Variants in IDE observed in about 807,000 individuals in gnomAD.
IDE encodes the protein insulin degrading enzyme.
In IDE, 58 loss-of-function variants were observed where a neutral mutation model predicts 133.2. The ratio of observed to expected loss-of-function variants is 0.44; its 90% confidence interval spans 0.35 to 0.54. The LOEUF is 0.54. Among genes scored for constraint, IDE ranks in the 20% least tolerant of loss-of-function variants. IDE has a pLI of 0.00. For synonymous variants in IDE, 396 were observed against 421.3 expected (o/e 0.94, Z 0.73); for missense variants, 981 against 1,234.0 (o/e 0.79, Z 3.07).
chr10:92,503,573 A>G (rs563291540), intron 11 of IDE, among the ~76,000 whole-genome samples: 1 of 152,304 alleles, frequency 6.6e-6, no homozygotes, highest in Admixed American at 6.5e-5. Flanking sequence ...ACATTAGAAG[A>G]CATTAATTAT....
rs532861372 is a variant in IDE, at chr10:92,564,671, C to CAAAAAAAAAAAAAAAAAA, written c.98+9233_98+9250dup. On this transcript the variant is annotated intron_variant, in intron 1 of 24. Coordinates refer to ENST00000265986, the MANE Select transcript of IDE (RefSeq NM_004969.4). ...CCTGGGCGATAAAGCGAGACTGTCT[C>CAAAAAAAAAAAAAAAAAA]AAAAAAAAAAAAAAAAAAAAAAAAA... is the stretch of plus-strand genomic sequence containing the variant. Among the ~76,000 whole-genome samples the CAAAAAAAAAAAAAAAAAA allele has an allele frequency of 1.6e-4, 5 of 31,562 alleles. 1 individual carries two copies. The highest frequency in any genetic ancestry group is 2.2e-4 in the African/African-American group (2 of 9,052). The allele number at this position is 31,562 out of a possible 152,430, so 20.7% of individuals were successfully genotyped here. A position where few individuals can be genotyped will look rare whatever the true frequency, so the allele number is the denominator to read the frequency against.
chr10:92,555,970 G>A (rs554991736), intron 1 of IDE, among the ~76,000 whole-genome samples: 3 of 151,770 alleles, frequency 2.0e-5, no homozygotes, highest in East Asian at 3.9e-4. Flanking sequence ...TCAGGAGATC[G>A]AGACCATCCT....
chr10:92,459,937 C>G (rs1210475671), intron 22 of IDE, among the ~76,000 whole-genome samples: 1 of 147,082 alleles, frequency 6.8e-6, no homozygotes, highest in African/African-American at 2.5e-5. Context: ...TCAAGTGATT[C>G]TTCTGCCTCA....
At position 92,531,769 on chromosome 10, in the gene IDE, G is replaced by T; in HGVS notation, c.640C>A (p.Pro214Thr). The T allele has an allele frequency of 1.9e-6, 3 of 1,590,768 alleles. No homozygotes were observed. The highest frequency in any genetic ancestry group is 1.2e-5 in the South Asian group (1 of 86,854). Residue 214 changes from proline to threonine, a missense_variant, in exon 4 of 25, where the codon CCC becomes ACC. This residue lies in a region of IDE where 321 missense variants were observed against 339.3 expected (regional missense o/e 0.95). Transcript: ENST00000265986. Reference sequence around the variant, plus strand: ...AAACCTGTCCCAAATTTACTGAAGGGGTGTTTAGGATTCCCTGTAGCTTTT... The same window carrying T: ...AAACCTGTCCCAAATTTACTGAAGGTGTGTTTAGGATTCCCTGTAGCTTTT... ...LEKATGNPKH[P>T]FSKFGTGNKY... is the part of the protein sequence containing the mutation.
rs571707316 is a variant in IDE, at chr10:92,558,135, G to A, written c.98+15787C>T. Among the ~76,000 whole-genome samples, 5 of 151,954 alleles carry A rather than the reference G, an allele frequency of 3.3e-5. No individual in the cohort carries two copies. In the East Asian group the frequency reaches 5.8e-4, roughly 18 times the overall value. ...AGGCGTGATCTCAGCTCACCGCAAC[G>A]TCCACCTCCCGGGTTCAAGCGATTC... On this transcript the variant is annotated intron_variant, in intron 1 of 24. Transcript: ENST00000265986.
intron 10 of IDE, among the ~76,000 whole-genome samples, chr10:92,505,854 G>A (rs1022554891): frequency 2.0e-5 from 3 of 152,166 alleles, no homozygotes; most frequent in African/African-American, 7.2e-5. Context: ...TGGGAGAGGT[G>A]GGCTGGACAG....
intron 1 of IDE, among the ~76,000 whole-genome samples, chr10:92,561,976 T>C (rs1285199756): frequency 6.6e-6 from 1 of 152,132 alleles, no homozygotes; most frequent in Non-Finnish European, 1.5e-5. Context: ...ATCACAAATA[T>C]AATGTTTACA....
At chr10:92,550,724 G>A (rs1030856597) in intron 1 of IDE, among the ~76,000 whole-genome samples, 21 of 149,424 alleles carry the variant, frequency 1.4e-4, no homozygotes, top group African/African-American at 4.7e-4. Flanking sequence ...ATAAAAATTA[G>A]CTGGGCGTGG....
At chr10:92,513,256 A>T (rs760789924) in intron 5 of IDE, among the ~76,000 whole-genome samples, 4 of 152,126 alleles carry the variant, frequency 2.6e-5, no homozygotes, top group Non-Finnish European at 1.5e-5. Flanking sequence ...GCAGTGGCAC[A>T]ATCTTGGCTC....
intron 11 of IDE, among the ~76,000 whole-genome samples, chr10:92,501,773 G>A (rs1205975020): frequency 1.3e-5 from 2 of 152,058 alleles, no homozygotes; most frequent in East Asian, 1.9e-4. Flanking sequence ...TCAGGAGTTC[G>A]AGACCAGCCT....
chr10:92,464,016 C>T lies in IDE; in HGVS notation c.2489-13G>A, dbSNP rs768749562. ...AAGACGATATAGCCTGAAACACAGA[C>T]ATCAGCCAGTCATGACCGTGGCATT... is the stretch of plus-strand genomic sequence containing the variant. On this transcript the variant is annotated splice_polypyrimidine_tract_variant and intron_variant, in intron 20 of 24. Coordinates refer to ENST00000265986, the MANE Select transcript of IDE (RefSeq NM_004969.4). The T allele has an allele frequency of 2.1e-5, 34 of 1,605,264 alleles. No homozygotes were observed. Among genetic ancestry groups the T allele is most frequent in the Non-Finnish European group, 2.8e-5 (33 of 1,173,442 alleles).
intron 1 of IDE, among the ~76,000 whole-genome samples, chr10:92,546,567 CAA>C (rs1842542110): frequency 6.6e-6 from 1 of 152,140 alleles, no homozygotes; most frequent in African/African-American, 2.4e-5. Flanking sequence ...AACAGTAGTA[CAA>C]TTAACATAAT....
chr10:92,498,353 G>A (rs575774120), intron 11 of IDE, among the ~76,000 whole-genome samples: 4 of 152,142 alleles, frequency 2.6e-5, no homozygotes, highest in South Asian at 2.1e-4. Context: ...CCGGGTATGG[G>A]GGCTCACACC....
chr10:92,475,055 T>A, intron 16 of IDE, 94 bp from the exon 17 acceptor site: 1 of 909,158 alleles, frequency 1.1e-6, no homozygotes, highest in Non-Finnish European at 1.7e-6. Flanking sequence ...CTCTATAAAC[T>A]GTATTACTAG....
chr10:92,470,529 T>C (rs1030223535), intron 17 of IDE, among the ~76,000 whole-genome samples, 184 bp from the exon 18 acceptor site: 7 of 152,232 alleles, frequency 4.6e-5, no homozygotes, highest in Admixed American at 1.3e-4. Context: ...ATTGGTATAA[T>C]ACTATTAACT....
intron 1 of IDE, among the ~76,000 whole-genome samples, chr10:92,542,169 C>CT (rs932899336): frequency 6.6e-6 from 1 of 151,988 alleles, no homozygotes; most frequent in Non-Finnish European, 1.5e-5. Flanking sequence ...AGGTCATTAT[C>CT]TTTTTTTTCT....
At position 92,474,066 on chromosome 10, in the gene IDE, T is replaced by A. The variant is rs562693459; in HGVS notation, c.2116+775A>T. On this transcript the variant is annotated intron_variant, in intron 17 of 24. Coordinates refer to ENST00000265986, the MANE Select transcript of IDE (RefSeq NM_004969.4). ...AGCATTTAGTCTGCAGAAAAAAAAATTTTTTTTTGGAGGCAGAGACAGAGT... is the reference window on the plus strand; with the variant it reads ...AGCATTTAGTCTGCAGAAAAAAAAAATTTTTTTTGGAGGCAGAGACAGAGT... Among the ~76,000 whole-genome samples, 112 of 151,090 alleles carry A rather than the reference T, an allele frequency of 7.4e-4. 1 individual carries two copies. Among genetic ancestry groups the A allele is most frequent in the African/African-American group, 2.6e-3 (106 of 41,224 alleles).
At chr10:92,557,736 A>C (rs1303194463) in intron 1 of IDE, among the ~76,000 whole-genome samples, 2 of 151,550 alleles carry the variant, frequency 1.3e-5, no homozygotes, top group Non-Finnish European at 2.9e-5. Context: ...CTAAAAATAC[A>C]AAAATTATCT....
At chr10:92,528,565 A>G (rs1849752654) in intron 4 of IDE, among the ~76,000 whole-genome samples, 2 of 152,162 alleles carry the variant, frequency 1.3e-5, no homozygotes, top group Non-Finnish European at 2.9e-5. Context: ...AAACACATAT[A>G]TGTACTCTGA....
Sources: gnomAD v4.1 joint callset for allele counts (sites outside exome capture counted in the v4.1 genomes callset) on GRCh38, gnomAD v4.1.1 for gene constraint, gnomAD v4.1.1 regional missense constraint, MANE v1.5 for transcripts, NCBI Gene and HGNC (gene_info 2026-07-23, HGNC 2026-07-21) for gene names.